Variants in SERINC5 observed in about 807,000 individuals in gnomAD.
SERINC5 encodes the protein chromosome 5 open reading frame 12.
SERINC5 carries 41 observed loss-of-function variants against 63.1 expected under a neutral mutation model. The ratio of observed to expected loss-of-function variants is 0.65; its 90% CI spans 0.51 to 0.84. The LOEUF is 0.84. SERINC5 is among the 40% of genes least tolerant of loss of function. SERINC5 has a pLI of 0.00. For missense variants in SERINC5, 523 were observed against 573.0 expected (o/e 0.91, Z 0.89); for synonymous variants, 222 against 215.2 (o/e 1.03, Z -0.28).
rs537864894 is a variant in SERINC5, at chr5:80,237,086, C to G, written c.27+18810G>C. Among the ~76,000 whole-genome samples the G allele has an allele frequency of 3.9e-5, 6 of 151,928 alleles. No individual in the cohort carries two copies. The South Asian group carries it at 1.3e-3, about 32-fold the overall frequency. Reference sequence around the variant, plus strand: ...AGGTGATCCACCCGCCTCGGCCTCCCAAAGTGCTGGGATTACAGGCATGAG... The same window carrying G: ...AGGTGATCCACCCGCCTCGGCCTCCGAAAGTGCTGGGATTACAGGCATGAG... On this transcript the variant is annotated intron_variant, in intron 1 of 11. Coordinates refer to ENST00000507668, the MANE Select transcript of SERINC5 (RefSeq NM_001174072.3).
intron 11 of SERINC5, among the ~76,000 whole-genome samples, chr5:80,122,081 C>T (rs1325784779): frequency 2.0e-5 from 3 of 152,040 alleles, no homozygotes; most frequent in East Asian, 1.9e-4. Context: ...TCTGTGCAAA[C>T]ATTTTATTCT....
chr5:80,189,693 A>C (rs912289533), intron 2 of SERINC5, among the ~76,000 whole-genome samples: 3 of 152,164 alleles, frequency 2.0e-5, no homozygotes, highest in Non-Finnish European at 1.5e-5. Flanking sequence ...GTGAGCCTCA[A>C]ATCTGCTAGT....
At chr5:80,113,327 T>C (rs1459827383) in intron 12 of SERINC5, among the ~76,000 whole-genome samples, 1 of 152,168 alleles carries the variant, frequency 6.6e-6, no homozygotes, top group African/African-American at 2.4e-5. Context: ...CCCAATTTGG[T>C]AGGTAAAACT....
intron 1 of SERINC5, among the ~76,000 whole-genome samples, chr5:80,244,219 CTT>C (rs1177734360): frequency 6.3e-5 from 9 of 143,812 alleles, no homozygotes; most frequent in Non-Finnish European, 7.7e-5. Flanking sequence ...CCCCCAAGCA[CTT>C]TTTTTTTTTT....
At chr5:80,227,624 C>T (rs10056896) in intron 1 of SERINC5, among the ~76,000 whole-genome samples, 89,389 of 149,564 alleles carry the variant, frequency 0.6, 27,026 homozygotes, top group African/African-American at 0.67. Context: ...AAAAAAGAAT[C>T]GCATGTGTAG....
chr5:80,226,747 G>A (rs936939576), intron 1 of SERINC5, among the ~76,000 whole-genome samples: 1 of 152,100 alleles, frequency 6.6e-6, no homozygotes, highest in Non-Finnish European at 1.5e-5. Context: ...TAAATAATAG[G>A]AAATTGCATT....
At chr5:80,153,010 G>T (rs1168158016) in intron 8 of SERINC5, among the ~76,000 whole-genome samples, 1 of 152,178 alleles carries the variant, frequency 6.6e-6, no homozygotes, top group Non-Finnish European at 1.5e-5. Flanking sequence ...GTAATTTCCG[G>T]AAAACAAAGC....
At chr5:80,162,928 A>AC (rs891163228) in intron 7 of SERINC5, among the ~76,000 whole-genome samples, 24 of 151,572 alleles carry the variant, frequency 1.6e-4, no homozygotes, top group African/African-American at 5.1e-4. Context: ...CTAGTGAGCC[A>AC]AGATCCCTCC....
intron 2 of SERINC5, among the ~76,000 whole-genome samples, chr5:80,200,151 C>T (rs199540121): frequency 7.9e-5 from 12 of 151,564 alleles, no homozygotes; most frequent in Admixed American, 7.2e-4. Context: ...GAGCGAGACT[C>T]GTAATTTCTG....
intron 1 of SERINC5, among the ~76,000 whole-genome samples, chr5:80,217,946 AAAC>A (rs1750741826): frequency 6.6e-6 from 1 of 152,224 alleles, no homozygotes; most frequent in African/African-American, 2.4e-5. Flanking sequence ...ACATCAGTGC[AAAC>A]AACTCAGCAG....
chr5:80,235,225 A>G (rs1220532896), intron 1 of SERINC5, among the ~76,000 whole-genome samples: 1 of 152,180 alleles, frequency 6.6e-6, no homozygotes, highest in African/African-American at 2.4e-5. Context: ...CACTTAGCAT[A>G]ATGTCCTTGA....
chr5:80,244,292 T>C (rs972500169), intron 1 of SERINC5, among the ~76,000 whole-genome samples: 49 of 151,098 alleles, frequency 3.2e-4, no homozygotes, highest in African/African-American at 1.2e-3. Context: ...CTCGGCTCAC[T>C]GCAACCTCTG....
intron 2 of SERINC5, among the ~76,000 whole-genome samples, chr5:80,200,260 G>T (rs570275099): frequency 4.7e-4 from 71 of 151,356 alleles, no homozygotes; most frequent in Non-Finnish European, 9.1e-4. Context: ...GGCGGATCAC[G>T]AGGTCAGGAG....
At chr5:80,175,707 T>TA (rs971758038) in intron 4 of SERINC5, among the ~76,000 whole-genome samples, 83 of 147,846 alleles carry the variant, frequency 5.6e-4, no homozygotes, top group African/African-American at 1.8e-3. Context: ...TGACTCTACT[T>TA]AAAAAAAAAC....
rs542992987 is a variant in SERINC5, at chr5:80,203,664, C to CAT, written c.28-613_28-612dup. 6.0e-3 allele frequency among the ~76,000 whole-genome samples: 912 copies of CAT among 152,090 alleles called. 3 individuals carry two copies. Among genetic ancestry groups the CAT allele is most frequent in the Non-Finnish European group, 7.9e-3 (534 of 67,988 alleles). On this transcript the variant is annotated intron_variant, in intron 1 of 11. Transcript: ENST00000507668. ...AATTGTGGTTTTTGCCATTACTCTA[C>CAT]ATATATATATACAAAAATTTGGTCT...
intron 11 of SERINC5, among the ~76,000 whole-genome samples, chr5:80,133,148 C>T (rs942370817): frequency 6.6e-6 from 1 of 152,164 alleles, no homozygotes; most frequent in Non-Finnish European, 1.5e-5. Flanking sequence ...CGCACTTCAC[C>T]TTCCACAGTG....
At chr5:80,122,212 T>TATATATATATATATATATAAAA (rs777568982) in intron 11 of SERINC5, among the ~76,000 whole-genome samples, 1 of 142,560 alleles carries the variant, frequency 7.0e-6, no homozygotes, top group African/African-American at 2.8e-5. Context: ...TATATATATA[T>TATATATATATATATATATAAAA]AATATGAGTT....
At chr5:80,123,269 T>TA (rs903821418) in intron 11 of SERINC5, among the ~76,000 whole-genome samples, 1 of 152,268 alleles carries the variant, frequency 6.6e-6, no homozygotes, top group Non-Finnish European at 1.5e-5. Flanking sequence ...CTGATTTTTT[T>TA]AAAAAAATTA....
intron 11 of SERINC5, among the ~76,000 whole-genome samples, chr5:80,145,691 A>G (rs1745773517): frequency 6.6e-6 from 1 of 152,184 alleles, no homozygotes; most frequent in Admixed American, 6.5e-5. Flanking sequence ...AGTTGCCATA[A>G]GCATCACCAG....
Sources: allele counts gnomAD v4.1 joint callset (sites outside exome capture counted in the v4.1 genomes callset), GRCh38; gene constraint gnomAD v4.1.1; transcripts MANE v1.5; gene names NCBI Gene and HGNC (gene_info 2026-07-23, HGNC 2026-07-21).